AGAP1: variants seen among roughly 807,000 people sequenced by gnomAD.
AGAP1 encodes the protein arf-GAP with GTPase, ANK repeat and PH domain-containing protein 1.
AGAP1 carries 29 observed loss-of-function variants against 105.3 expected under a neutral mutation model. That is an observed-to-expected ratio of 0.28 (90% CI 0.21 to 0.38). AGAP1 has a LOEUF of 0.38. Among genes scored for constraint, AGAP1 ranks in the 10% least tolerant of loss-of-function variants. The pLI is 1.00. For missense variants in AGAP1, 998 were observed against 1,165.1 expected (o/e 0.86, Z 2.09); for synonymous variants, 509 against 485.9 (o/e 1.05, Z -0.63).
In AGAP1 at chr2:235,893,287, G is replaced by A. The variant is rs759020075; in HGVS notation, c.1155+9838G>A. Among the ~76,000 whole-genome samples, 1 of 150,512 alleles carries A rather than the reference G, an allele frequency of 6.6e-6. No individual in the cohort carries two copies. Among genetic ancestry groups the A allele is most frequent in the African/African-American group, 2.5e-5 (1 of 40,790 alleles). ...AGGAAGCGCCGTGTCTGTAGCGTGG[G>A]TGTAGCGTGTCTGTGGCGCAGGTGT... On this transcript the variant is annotated intron_variant, in intron 10 of 17. Coordinates refer to ENST00000304032, the MANE Select transcript of AGAP1 (RefSeq NM_001037131.3). The surrounding 1 kb of genome is among the most constrained non-coding windows in gnomAD (Gnocchi z 4.7).
At chr2:235,668,077 C>T (rs140901040) in intron 1 of AGAP1, among the ~76,000 whole-genome samples, 324 of 151,880 alleles carry the variant, frequency 2.1e-3, no homozygotes, top group African/African-American at 7.3e-3. Flanking sequence ...ACATCCAGAG[C>T]CCTTAGAGTT....
At position 235,740,931 on chromosome 2, in the gene AGAP1, T is replaced by C. The variant is rs1372791146; in HGVS notation, c.311-32T>C. 2.5e-6 allele frequency: 4 copies of C among 1,613,910 alleles called. No homozygotes were observed. The highest frequency in any genetic ancestry group is 2.2e-5 in the South Asian group (2 of 91,064). ...CTGCCCTCCTCACTCTCTGTTGTTC[T>C]CGTGTAACGAGATGTTTTGTGTGTG... On this transcript the variant is annotated intron_variant, in intron 3 of 17. Coordinates refer to ENST00000304032, the MANE Select transcript of AGAP1 (RefSeq NM_001037131.3). The surrounding 1 kb of genome is among the most constrained non-coding windows in gnomAD (Gnocchi z 5.7).
At position 235,566,127 on chromosome 2, in the gene AGAP1, T is replaced by C. The variant is rs1335911495; in HGVS notation, c.163+71278T>C. ...TATTATTTGAGGTGGAGTTTCACTC[T>C]GTCGCCCAGGCTAGAGTGCAGTGGC... On this transcript the variant is annotated intron_variant, in intron 1 of 17. Transcript: ENST00000304032. The surrounding 1 kb of genome is among the most constrained non-coding windows in gnomAD (Gnocchi z 5.2). 6.6e-6 allele frequency among the ~76,000 whole-genome samples: 1 copy of C among 152,102 alleles called. No individual in the cohort carries two copies. Among genetic ancestry groups the C allele is most frequent in the Non-Finnish European group, 1.5e-5 (1 of 68,016 alleles).
At chr2:235,670,212 A>G (rs1269809730) in intron 1 of AGAP1, 5 of 576,470 alleles carry the variant, frequency 8.7e-6, no homozygotes, top group Non-Finnish European at 1.3e-5. Flanking sequence ...ATGGTCAGGA[A>G]GGAGCAGCTG....
chr2:236,121,404 A>C lies in AGAP1; in HGVS notation c.2370+957A>C, dbSNP rs374978996. Among the ~76,000 whole-genome samples the C allele has an allele frequency of 7.0e-3, 1,060 of 152,162 alleles. 10 individuals carry two copies. The highest frequency in any genetic ancestry group is 0.024 in the African/African-American group (988 of 41,514). ...CAACCTCCGCCTCCCAGGTTCAAGC[A>C]ATTCTCCTGCCTCAGCCTCCCAGGA... On this transcript the variant is annotated intron_variant, in intron 17 of 17. Transcript: ENST00000304032. The surrounding 1 kb of genome is among the most constrained non-coding windows in gnomAD (Gnocchi z 4.9).
intron 10 of AGAP1, among the ~76,000 whole-genome samples, chr2:235,892,987 A>G (rs2050616473): frequency 6.6e-6 from 1 of 152,238 alleles, no homozygotes; most frequent in African/African-American, 2.4e-5. Flanking sequence ...ACGCTGCTGC[A>G]GAAGGCGTGA....
chr2:235,534,208 G>A (rs1316955706), intron 1 of AGAP1, among the ~76,000 whole-genome samples: 4 of 152,224 alleles, frequency 2.6e-5, no homozygotes, highest in Non-Finnish European at 5.9e-5. Context: ...CTTGCCAGAT[G>A]GTCGGTGTTC....
intron 9 of AGAP1, among the ~76,000 whole-genome samples, chr2:235,851,692 C>T (rs933636999): frequency 9.2e-5 from 14 of 152,026 alleles, no homozygotes; most frequent in Admixed American, 4.6e-4. Flanking sequence ...TGCAAGGAGC[C>T]CATGAACAGA....
intron 13 of AGAP1, among the ~76,000 whole-genome samples, chr2:236,024,670 G>C (rs564563902): frequency 1.3e-5 from 2 of 152,182 alleles, no homozygotes; most frequent in Non-Finnish European, 2.9e-5. Flanking sequence ...TTGACAGCCC[G>C]GATTCATGTA....
At chr2:235,798,607 G>C (rs1032133597) in intron 7 of AGAP1, among the ~76,000 whole-genome samples, 3 of 152,156 alleles carry the variant, frequency 2.0e-5, no homozygotes, top group African/African-American at 7.2e-5. Flanking sequence ...GCTGGGCTGA[G>C]TGGCAGTTGC....
intron 1 of AGAP1, among the ~76,000 whole-genome samples, chr2:235,504,040 C>A (rs904141604): frequency 1.3e-5 from 2 of 152,178 alleles, no homozygotes; most frequent in Non-Finnish European, 2.9e-5. Context: ...CACCACCATG[C>A]CCGACTAATT....
rs895397523 is a variant in AGAP1 at position 235,889,717 on chromosome 2, G to A, written c.1155+6268G>A. ...CTACACCACAGATAGAAGATATGGA[G>A]GGAAACCTTTTTCTCCAGGTCTGTT... On this transcript the variant is annotated intron_variant, in intron 10 of 17. Transcript: ENST00000304032. This position sits in a 1 kb window ranked among gnomAD's most constrained non-coding sequence, Gnocchi z 4.6. 6.6e-6 allele frequency among the ~76,000 whole-genome samples: 1 copy of A among 152,046 alleles called. No individual in the cohort carries two copies. The highest frequency in any genetic ancestry group is 1.5e-5 in the Non-Finnish European group (1 of 68,016).
At chr2:235,848,552 T>C (rs887615878) in intron 9 of AGAP1, among the ~76,000 whole-genome samples, 2 of 152,228 alleles carry the variant, frequency 1.3e-5, no homozygotes, top group Admixed American at 6.5e-5. Flanking sequence ...AATAATCCAT[T>C]GATTGTGATG....
chr2:235,933,470 T>G (rs1325749937), intron 12 of AGAP1, among the ~76,000 whole-genome samples: 1 of 151,948 alleles, frequency 6.6e-6, no homozygotes, highest in East Asian at 1.9e-4. Flanking sequence ...GACAGCAGAA[T>G]GGTGCACAGA....
rs1453461158 is a variant in AGAP1 at position 236,000,722 on chromosome 2, C to G, written c.1645+32099C>G. On this transcript the variant is annotated intron_variant, in intron 13 of 17. Transcript: ENST00000304032. The surrounding 1 kb of genome is among the most constrained non-coding windows in gnomAD (Gnocchi z 4.3). ...TGGCACATGCCTGAGGCAATCAGCC[C>G]CGATGGTGTGGCGGGGCAGGTACTA... Among the ~76,000 whole-genome samples, 1 of 152,182 alleles carries G rather than the reference C, an allele frequency of 6.6e-6. No individual in the cohort carries two copies. The highest frequency in any genetic ancestry group is 6.5e-5 in the Admixed American group (1 of 15,286).
intron 10 of AGAP1, among the ~76,000 whole-genome samples, chr2:235,897,255 G>A (rs972581937): frequency 1.3e-5 from 2 of 152,078 alleles, no homozygotes; most frequent in Non-Finnish European, 2.9e-5. Flanking sequence ...GGCCAGGCTG[G>A]TCTCAAATTC....
rs1241943900 is a variant in AGAP1, at chr2:235,844,000, C to G, written c.1050+36669C>G. 1.3e-5 allele frequency among the ~76,000 whole-genome samples: 2 copies of G among 152,202 alleles called. No homozygotes were observed. The highest frequency in any genetic ancestry group is 4.8e-5 in the African/African-American group (2 of 41,452). On this transcript the variant is annotated intron_variant, in intron 9 of 17. Coordinates refer to ENST00000304032, the MANE Select transcript of AGAP1 (RefSeq NM_001037131.3). The surrounding 1 kb of genome is among the most constrained non-coding windows in gnomAD (Gnocchi z 5.9). The stretch of plus-strand genomic sequence containing the variant: ...CTGCCCCAGCTCAGAGCTTGAACCT[C>G]TCCCTCTTGGAATCTGGCAGGAGTC...
chr2:235,810,040 A>G (rs140458418), intron 9 of AGAP1, among the ~76,000 whole-genome samples: 11 of 152,284 alleles, frequency 7.2e-5, no homozygotes, highest in Admixed American at 2.6e-4. Context: ...CTCTGCCCCT[A>G]TGTCTGCGCT....
Position 235,936,551 on chromosome 2 carries a change from T to C in AGAP1, c.1483+5628T>C, listed in dbSNP as rs1238479446. ...ACACTTACTTTCGGAGCCAATGCAT[T>C]TGAACCACACTTTCCAGCAAGCATG... On this transcript the variant is annotated intron_variant, in intron 12 of 17. Transcript: ENST00000304032. This position sits in a 1 kb window ranked among gnomAD's most constrained non-coding sequence, Gnocchi z 4.7. Among the ~76,000 whole-genome samples, 1 of 152,164 alleles carries C rather than the reference T, an allele frequency of 6.6e-6. No homozygotes were observed. The highest frequency in any genetic ancestry group is 2.4e-5 in the African/African-American group (1 of 41,442).
Sources: allele counts gnomAD v4.1 joint callset (sites outside exome capture counted in the v4.1 genomes callset), GRCh38; gene constraint gnomAD v4.1.1; non-coding constraint Gnocchi (gnomAD v3.1); transcripts MANE v1.5; gene names NCBI Gene and HGNC (gene_info 2026-07-23, HGNC 2026-07-21).